Variants in NOX4 observed in about 807,000 individuals in gnomAD.
NOX4 encodes kidney oxidase-1.
Under a neutral mutation model 87.6 loss-of-function variants are expected in NOX4, and 69 were observed. The ratio of observed to expected loss-of-function variants is 0.79; its 90% CI spans 0.65 to 0.96. The LOEUF (loss-of-function observed/expected upper bound fraction) is 0.96, where lower values mean the gene tolerates loss of function less well. Among genes scored for constraint, NOX4 ranks in the 40% least tolerant of loss-of-function variants. The pLI is 0.00. For synonymous variants in NOX4, 275 were observed against 238.2 expected (o/e 1.15, Z -1.42); for missense variants, 680 against 681.5 (o/e 1.00, Z 0.02).
chr11:89,489,104 A>T, intron 2 of NOX4: 6 of 657,076 alleles, frequency 9.1e-6, no homozygotes, highest in Non-Finnish European at 1.6e-5. Flanking sequence ...GTGTGTGATC[A>T]ACAGATTATG....
At chr11:89,549,114 ATTAT>A in the NOX4 span, among the ~76,000 whole-genome samples, 13 of 152,180 alleles carry the variant, frequency 8.5e-5, no homozygotes, top group Admixed American at 8.5e-4. Flanking sequence ...ACTGCTTTTC[ATTAT>A]TTATTGTAAT....
chr11:89,385,274 T>C (rs1940615478), intron 11 of NOX4, among the ~76,000 whole-genome samples: 1 of 152,192 alleles, frequency 6.6e-6, no homozygotes, highest in Admixed American at 6.5e-5. Flanking sequence ...GCCACTTTAC[T>C]TCCAAAGGAA....
At chr11:89,444,878 T>C (rs761415495) in intron 4 of NOX4, among the ~76,000 whole-genome samples, 1 of 151,970 alleles carries the variant, frequency 6.6e-6, no homozygotes, top group African/African-American at 2.4e-5. Flanking sequence ...ATAATAGCAG[T>C]GTTAGGAAAT....
chr11:89,492,529 T>C (rs1946884756), upstream of NOX4, among the ~76,000 whole-genome samples: 1 of 152,240 alleles, frequency 6.6e-6, no homozygotes, highest in South Asian at 2.1e-4. Flanking sequence ...ATGATTGCAG[T>C]CCTCAGTTTT....
intron 3 of NOX4, among the ~76,000 whole-genome samples, chr11:89,450,693 G>A (rs1002725533): frequency 6.6e-6 from 1 of 151,030 alleles, no homozygotes; most frequent in Non-Finnish European, 1.5e-5. Context: ...TTTAGCATTA[G>A]GTATATCTCC....
chr11:89,346,132 A>G (rs1261199448), intron 13 of NOX4, among the ~76,000 whole-genome samples: 4 of 152,240 alleles, frequency 2.6e-5, no homozygotes, highest in Non-Finnish European at 5.9e-5. Flanking sequence ...TCCATGTACC[A>G]GTAATGTTCA....
At chr11:89,420,151 G>A (rs41532346) in intron 8 of NOX4, among the ~76,000 whole-genome samples, 3,423 of 152,138 alleles carry the variant, frequency 0.022, 138 homozygotes, top group African/African-American at 0.078. Flanking sequence ...CATCAGTTAA[G>A]TAAACTTCAA....
chr11:89,341,067 A>G (rs1945977201), intron 14 of NOX4, among the ~76,000 whole-genome samples: 1 of 151,516 alleles, frequency 6.6e-6, no homozygotes, highest in African/African-American at 2.4e-5. Context: ...ACTTTTGCTT[A>G]TAATCCTGAA....
intron 11 of NOX4, among the ~76,000 whole-genome samples, chr11:89,383,385 A>C (rs1430214694): frequency 6.6e-6 from 1 of 152,144 alleles, no homozygotes; most frequent in East Asian, 1.9e-4. Flanking sequence ...CTACTCCCAG[A>C]GCCCCTGGAA....
chr11:89,363,161 T>A (rs1938662021), intron 12 of NOX4, among the ~76,000 whole-genome samples: 6 of 152,080 alleles, frequency 3.9e-5, no homozygotes, highest in Admixed American at 3.9e-4. Context: ...AGCCTGGATA[T>A]GCTGGTAACA....
At chr11:89,443,832 C>A in intron 5 of NOX4, 1 of 259,024 alleles carries the variant, frequency 3.9e-6, no homozygotes, top group South Asian at 9.2e-5. Context: ...TCAACACTCT[C>A]AGCTGAATGA....
intron 6 of NOX4, 117 bp downstream of exon 6, chr11:89,440,571 C>T (rs762980131): frequency 5.4e-5 from 30 of 556,072 alleles, no homozygotes; most frequent in East Asian, 3.8e-4. Context: ...GTGATCCGCC[C>T]GCCTCAGCCT....
intron 2 of NOX4, among the ~76,000 whole-genome samples, chr11:89,488,543 A>AT (rs1358200393): frequency 6.6e-6 from 1 of 152,148 alleles, no homozygotes; most frequent in Non-Finnish European, 1.5e-5. Context: ...CCAAATAATT[A>AT]TTTTTTTAAG....
At chr11:89,562,618 G>A in the NOX4 span, among the ~76,000 whole-genome samples, 1 of 152,270 alleles carries the variant, frequency 6.6e-6, no homozygotes, top group African/African-American at 2.4e-5. Flanking sequence ...TAAGGCTCAA[G>A]AGTTAACCAT....
At chr11:89,327,863 A>T (rs1444879065) in intron 17 of NOX4, among the ~76,000 whole-genome samples, 1 of 152,200 alleles carries the variant, frequency 6.6e-6, no homozygotes, top group African/African-American at 2.4e-5. Context: ...TAGGGAGTAG[A>T]TCTACCCTTT....
chr11:89,393,058 C>T (rs1941233729), intron 11 of NOX4, among the ~76,000 whole-genome samples: 1 of 152,120 alleles, frequency 6.6e-6, no homozygotes, highest in Non-Finnish European at 1.5e-5. Flanking sequence ...GCACTGGAAG[C>T]TATGTTGGAC....
chr11:89,447,623 T>A (rs1283907956), intron 4 of NOX4, among the ~76,000 whole-genome samples: 1 of 152,214 alleles, frequency 6.6e-6, no homozygotes, highest in Non-Finnish European at 1.5e-5. Flanking sequence ...ACTGGCAGAA[T>A]GCAAACCCTC....
chr11:89,559,229 C>T, the NOX4 span, among the ~76,000 whole-genome samples: 1 of 151,936 alleles, frequency 6.6e-6, no homozygotes, highest in Admixed American at 6.6e-5. Context: ...TCAATAAATG[C>T]ATGTATAACT....
intron 7 of NOX4, among the ~76,000 whole-genome samples, chr11:89,422,950 C>A (rs1037476829): frequency 6.6e-6 from 1 of 151,994 alleles, no homozygotes; most frequent in East Asian, 1.9e-4. Flanking sequence ...CAGGCACTCG[C>A]CACCATGACC....
Sources: gnomAD v4.1 joint callset for allele counts (sites outside exome capture counted in the v4.1 genomes callset) on GRCh38, gnomAD v4.1.1 for gene constraint, MANE v1.5 for transcripts, NCBI Gene and HGNC (gene_info 2026-07-23, HGNC 2026-07-21) for gene names.